Variants in IGSF9B observed in about 807,000 individuals in gnomAD.
IGSF9B encodes the protein immunoglobulin superfamily member 9B, also known as protein turtle homolog B.
Under a neutral mutation model 143.7 loss-of-function variants are expected in IGSF9B, and 48 were observed. The ratio of observed to expected loss-of-function variants is 0.33; its 90% CI spans 0.26 to 0.42. The LOEUF is 0.42. Ranked by LOEUF, IGSF9B falls within the 20% of genes least tolerant of loss-of-function variation. The probability of loss-of-function intolerance (pLI) is 1.00; values close to 1 mark genes in which losing one functional copy is unlikely to be tolerated. For missense variants in IGSF9B, 1,706 were observed against 1,980.0 expected, an observed-to-expected ratio of 0.86 and a Z score of 2.63; for synonymous variants, 903 against 833.1, an observed-to-expected ratio of 1.08 and a Z score of -1.44.
At chr11:133,941,192 C>G (rs1015507427) in intron 3 of IGSF9B, among the ~76,000 whole-genome samples, 19 of 152,210 alleles carry the variant, frequency 1.2e-4, no homozygotes, top group African/African-American at 4.3e-4. Context: ...AGCTTGCCAG[C>G]TGCATTTCCA....
rs370909778 is a variant in IGSF9B at position 133,921,049 on chromosome 11, C to T, written c.2676G>A (p.Ser892=). 2.5e-5 allele frequency: 41 copies of T among 1,613,674 alleles called. 1 individual carries two copies. Among genetic ancestry groups the T allele is most frequent in the South Asian group, 1.8e-4 (16 of 91,090 alleles). Residue 892 remains serine (S), a synonymous_variant, in exon 18 of 20, where the codon TCG becomes TCA. Coordinates refer to ENST00000533871, the MANE Select transcript of IGSF9B (RefSeq NM_001277285.4). ...CCAGTGGGTCCTCGTTCTCCTCGTC[C>T]GACTGGCGGAACTCGGGGTACATGT... ...ETDMYPEFRQ[S]DEENEDPLVP...
intron 18 of IGSF9B, among the ~76,000 whole-genome samples, chr11:133,916,202 C>A (rs544792809): frequency 6.6e-6 from 1 of 152,160 alleles, no homozygotes; most frequent in South Asian, 2.1e-4. Flanking sequence ...TCCCCACAGT[C>A]CACAGAAAGG....
rs527975217 is a variant in IGSF9B, at chr11:133,910,895, CCA to C, written c.4105+989_4105+990del. On this transcript the variant is annotated intron_variant, in intron 19 of 19. Transcript: ENST00000533871. ...TTGGCTGAAAATGCAGCTTTGAGCT[CCA>C]GTTTCTAACCCAAGCCCTAAAAACA... Among the ~76,000 whole-genome samples, 22 of 152,234 alleles carry C rather than the reference CCA, an allele frequency of 1.4e-4. No homozygotes were observed. The South Asian group carries it at 3.5e-3, about 24-fold the overall frequency.
At position 133,935,732 on chromosome 11, in the gene IGSF9B, G is replaced by A. The variant is rs766326556; in HGVS notation, c.852C>T (p.Ile284=). 3.1e-6 allele frequency: 5 copies of A among 1,611,900 alleles called. No homozygotes were observed. Among genetic ancestry groups the A allele is most frequent in the South Asian group, 2.2e-5 (2 of 90,496 alleles). The part of the protein sequence containing the change: ...NDLKLRVRIL[I]DGTLIIFRVK... Reference sequence around the variant, plus strand: ...CCCGGAAGATGATCAGGGTCCCATCGATTAGGATGCGCACCCTCAGCTTCA... The same window carrying A: ...CCCGGAAGATGATCAGGGTCCCATCAATTAGGATGCGCACCCTCAGCTTCA... The change falls in exon 7 of 20, where the codon ATC becomes ATT. Residue 284 remains isoleucine, a synonymous_variant. Transcript: ENST00000533871.
chr11:133,909,207 G>C lies in IGSF9B; in HGVS notation c.4176C>G (p.Leu1392=), dbSNP rs376484012. 1,052 of 1,535,912 alleles carry C rather than the reference G, an allele frequency of 6.8e-4. 15 individuals are homozygous for C. In the South Asian group the frequency reaches 0.012, roughly 17 times the overall value. The change falls in exon 20 of 20, where the codon CTC becomes CTG. Residue 1392 remains leucine (L), a synonymous_variant. Coordinates refer to ENST00000533871, the MANE Select transcript of IGSF9B (RefSeq NM_001277285.4). The surrounding 1 kb of genome is among the most constrained non-coding windows in gnomAD (Gnocchi z 4.2). ...QVLWPDEAVC[L]RKKKRHSRPD... ...GACGAGAATGTCTCTTCTTCTTTCG[G>C]AGGCAGACAGCTTCATCGGGCCACA... is the stretch of plus-strand genomic sequence containing the variant.
Position 133,928,014 on chromosome 11 carries a change from C to A in IGSF9B, c.1632-923G>T, listed in dbSNP as rs916636402. Among the ~76,000 whole-genome samples the A allele has an allele frequency of 6.6e-6, 1 of 152,160 alleles. No homozygotes were observed. Among genetic ancestry groups the A allele is most frequent in the African/African-American group, 2.4e-5 (1 of 41,436 alleles). Reference sequence around the variant, plus strand: ...GAAAGGAGACCTCCCCAACCTCGGCCCCGCCCTTCCCTGGCCCAGGCAACA... The same window carrying A: ...GAAAGGAGACCTCCCCAACCTCGGCACCGCCCTTCCCTGGCCCAGGCAACA... On this transcript the variant is annotated intron_variant, in intron 12 of 19. Transcript: ENST00000533871. This position sits in a 1 kb window ranked among gnomAD's most constrained non-coding sequence, Gnocchi z 4.7.
intron 18 of IGSF9B, 73 bp downstream of exon 18, chr11:133,919,669 T>G (rs996541264): frequency 1.6e-5 from 15 of 957,770 alleles, no homozygotes; most frequent in Middle Eastern, 2.6e-4. Context: ...ATGGACGGGG[T>G]GGAGGGCAGG....
rs767965830 is a variant in IGSF9B at position 133,920,473 on chromosome 11, G to C, written c.3252C>G (p.Ser1084=). The change falls in exon 18 of 20, where the codon TCC becomes TCG. Residue 1084 remains serine (S), a synonymous_variant. Coordinates refer to ENST00000533871, the MANE Select transcript of IGSF9B (RefSeq NM_001277285.4). The part of the protein sequence containing the change: ...AGLPRGLPPT[S]LQVPAAYPGI... ...CCGGGTAGGCCGCGGGCACCTGCAG[G>C]GAGGTGGGGGGCAGTCCTCGGGGGA... The C allele has an allele frequency of 6.4e-7, 1 of 1,571,142 alleles. No homozygotes were observed. The highest frequency in any genetic ancestry group is 1.2e-5 in the South Asian group (1 of 84,838).
At chr11:133,955,557 C>T (rs537545365) in intron 1 of IGSF9B, among the ~76,000 whole-genome samples, 135 of 152,324 alleles carry the variant, frequency 8.9e-4, no homozygotes, top group African/African-American at 2.8e-3. Flanking sequence ...CCTGCTGACT[C>T]CCACCCACAG....
At chr11:133,925,270 C>T (rs1488065405) in intron 14 of IGSF9B, among the ~76,000 whole-genome samples, 1 of 152,206 alleles carries the variant, frequency 6.6e-6, no homozygotes, top group Non-Finnish European at 1.5e-5. Flanking sequence ...TTCCTCTCCC[C>T]AGCTAGATAT....
intron 7 of IGSF9B, among the ~76,000 whole-genome samples, chr11:133,933,222 TTCTC>T (rs1939765972): frequency 6.6e-6 from 1 of 152,166 alleles, no homozygotes; most frequent in Non-Finnish European, 1.5e-5. Context: ...CAATGTCCAT[TTCTC>T]TCTGTTCCTA....
At chr11:133,944,938 T>C (rs1372430060) in intron 2 of IGSF9B, among the ~76,000 whole-genome samples, 1 of 152,110 alleles carries the variant, frequency 6.6e-6, no homozygotes, top group Admixed American at 6.5e-5. Flanking sequence ...AGAGAGACTA[T>C]GTATCCTACC....
intron 1 of IGSF9B, among the ~76,000 whole-genome samples, chr11:133,951,534 C>T (rs914934056): frequency 1.3e-5 from 2 of 152,212 alleles, no homozygotes; most frequent in Non-Finnish European, 2.9e-5. Flanking sequence ...GCTGTGAGGC[C>T]GGGATGCTAT....
At position 133,956,923 on chromosome 11, in the gene IGSF9B, G is replaced by A; in HGVS notation, c.-169C>T. On this transcript the variant is annotated 5_prime_UTR_variant, in exon 1 of 20. Transcript: ENST00000533871. The stretch of plus-strand genomic sequence containing the variant: ...TCTCCATCCCTCCTAGGCTCCGCTC[G>A]GCTCGGCGCGCGCCTCCCCGGCCCC... 1 of 387,898 alleles carries A rather than the reference G, an allele frequency of 2.6e-6. No individual in the cohort carries two copies. The highest frequency in any genetic ancestry group is 4.6e-6 in the Non-Finnish European group (1 of 217,240). The allele number at this position is 387,898 out of a possible 1,614,324, so 24.0% of individuals were successfully genotyped here.
rs554071385 is a variant in IGSF9B, at chr11:133,911,812, G to A, written c.4105+74C>T. 461 of 1,388,862 alleles carry A rather than the reference G, an allele frequency of 3.3e-4. 1 individual carries two copies. In the Middle Eastern group the frequency reaches 6.3e-3, roughly 19 times the overall value. 86.0% of individuals were successfully genotyped at this position (1,388,862 alleles called of 1,614,324 possible). A position where few individuals can be genotyped will look rare whatever the true frequency, so the allele number is the denominator to read the frequency against. ...TGAGCCCAATAACCCTCCTGACAACGGCAGCCCAATAACCCTCCTGACAAC... is the reference window on the plus strand; with the variant it reads ...TGAGCCCAATAACCCTCCTGACAACAGCAGCCCAATAACCCTCCTGACAAC... On this transcript the variant is annotated intron_variant, in intron 19 of 19. Coordinates refer to ENST00000533871, the MANE Select transcript of IGSF9B (RefSeq NM_001277285.4).
At chr11:133,941,632 G>A (rs1939956972) in intron 3 of IGSF9B, among the ~76,000 whole-genome samples, 1 of 152,188 alleles carries the variant, frequency 6.6e-6, no homozygotes. Flanking sequence ...TGTTCTGCCT[G>A]TGCGCAGGTA....
chr11:133,910,136 T>TTCTGGTTACGATGGGAA (rs1267950629), intron 19 of IGSF9B, among the ~76,000 whole-genome samples: 10 of 152,114 alleles, frequency 6.6e-5, no homozygotes, highest in African/African-American at 2.4e-4. Context: ...TTGAAATCTG[T>TTCTGGTTACGATGGGAA]TCTGGTTACG....
At position 133,902,751 on chromosome 11, in the gene IGSF9B, G is replaced by A. The variant is rs1565410092; in HGVS notation, c.*6318C>T. On this transcript the variant is annotated 3_prime_UTR_variant, in exon 20 of 20. Coordinates refer to ENST00000533871, the MANE Select transcript of IGSF9B (RefSeq NM_001277285.4). ...CCATGGCACACCTCTCGTTGTTCAT[G>A]GGAGGCCATATAAAACCTCATTGAT... is the stretch of plus-strand genomic sequence containing the variant. 6.6e-6 allele frequency among the ~76,000 whole-genome samples: 1 copy of A among 152,138 alleles called. No individual in the cohort carries two copies. The highest frequency in any genetic ancestry group is 1.5e-5 in the Non-Finnish European group (1 of 68,026).
intron 18 of IGSF9B, among the ~76,000 whole-genome samples, chr11:133,918,035 G>A (rs1939423489): frequency 6.6e-6 from 1 of 150,388 alleles, no homozygotes; most frequent in African/African-American, 2.4e-5. Flanking sequence ...TAGAGGGGCC[G>A]GACATGGGGA....
Sources: allele counts gnomAD v4.1 joint callset (sites outside exome capture counted in the v4.1 genomes callset), GRCh38; gene constraint gnomAD v4.1.1; non-coding constraint Gnocchi (gnomAD v3.1); transcripts MANE v1.5; gene names NCBI Gene and HGNC (gene_info 2026-07-23, HGNC 2026-07-21).